Variants in CRISP3 observed in about 807,000 individuals in gnomAD.
CRISP3 encodes cysteine-rich secretory protein 3.
CRISP3 carries 33 observed loss-of-function variants against 36.1 expected under a neutral mutation model. The ratio of observed to expected loss-of-function variants is 0.91; its 90% CI spans 0.69 to 1.22. CRISP3 has a LOEUF of 1.22. Ranked by LOEUF, CRISP3 falls within the 50% of genes most tolerant of loss-of-function variation. The pLI, the probability that CRISP3 is intolerant of heterozygous loss-of-function variation, is 0.00. For synonymous variants in CRISP3, 117 were observed against 104.6 expected (o/e 1.12, Z -0.72); for missense variants, 330 against 301.2 (o/e 1.10, Z -0.71).
Position 49,733,849 on chromosome 6 carries a change from C to A in CRISP3, c.317-1G>T. On this transcript the variant is annotated splice_acceptor_variant, in intron 4 of 7. Coordinates refer to ENST00000263045, the MANE Select transcript of CRISP3 (RefSeq NM_006061.4). LOFTEE classifies it high-confidence loss of function. Reference sequence around the variant, plus strand: ...TAGAGATTCTCACCACATTTTAGACCTAAGAAGGAACAGACCACTCATGAG... The same window carrying A: ...TAGAGATTCTCACCACATTTTAGACATAAGAAGGAACAGACCACTCATGAG... The A allele has an allele frequency of 6.2e-7, 1 of 1,612,886 alleles. No individual in the cohort carries two copies. The highest frequency in any genetic ancestry group is 8.5e-7 in the Non-Finnish European group (1 of 1,179,388).
Position 49,733,261 on chromosome 6 carries a change from C to T in CRISP3, c.494G>A (p.Cys165Tyr). ...TTGATTGGGACAGTAGGCATTTCCA[C>T]ATCCAACGAGGTATGAAGAGTACCA... ...VVWYSSYLVG[C>Y]GNAYCPNQKV... The change falls in exon 6 of 8, where the codon TGT becomes TAT. Residue 165 changes from cysteine to tyrosine, a missense_variant. By Grantham distance (194) the Cys-to-Tyr change is radical. Coordinates refer to ENST00000263045, the MANE Select transcript of CRISP3 (RefSeq NM_006061.4). 1.2e-6 allele frequency: 2 copies of T among 1,611,464 alleles called. No homozygotes were observed. The highest frequency in any genetic ancestry group is 2.2e-5 in the South Asian group (2 of 90,660).
chr6:49,740,049 G>A (rs1026821427), intron 1 of CRISP3, among the ~76,000 whole-genome samples: 1 of 152,150 alleles, frequency 6.6e-6, no homozygotes, highest in African/African-American at 2.4e-5. Context: ...ATTTCAAATA[G>A]TGATGGTTTG....
rs749567736 is a variant in CRISP3, at chr6:49,733,791, G to A, written c.374C>T (p.Ala125Val). ...MSSASSSWSQ[A>V]IQSWFDEYND... ...GTACTCATCAAACCAGCTTTGGATT[G>A]CTTGTGACCATGAGCTGGAGGCACT... The change falls in exon 5 of 8, where the codon GCA (alanine) becomes GTA (valine). Residue 125 changes from alanine to valine, a missense_variant. Ala to Val is a moderately conservative substitution (Grantham distance 64). Coordinates refer to ENST00000263045, the MANE Select transcript of CRISP3 (RefSeq NM_006061.4). 3 of 1,613,760 alleles carry A rather than the reference G, an allele frequency of 1.9e-6. No homozygotes were observed. Among genetic ancestry groups the A allele is most frequent in the East Asian group, 4.5e-5 (2 of 44,872 alleles).
intron 7 of CRISP3, among the ~76,000 whole-genome samples, chr6:49,730,302 A>G (rs138343024): frequency 6.6e-6 from 1 of 152,186 alleles, no homozygotes; most frequent in East Asian, 1.9e-4. Flanking sequence ...GCAAACTAAT[A>G]CTACATACAG....
intron 7 of CRISP3, among the ~76,000 whole-genome samples, chr6:49,729,939 T>A (rs1018583945): frequency 6.6e-6 from 1 of 152,172 alleles, no homozygotes; most frequent in Non-Finnish European, 1.5e-5. Context: ...GTTGGCTGAT[T>A]ATTACTAATA....
In CRISP3 at chr6:49,733,232, C is replaced by T. The variant is rs1368636049; in HGVS notation, c.523G>A (p.Val175Ile). The T allele has an allele frequency of 6.2e-7, 1 of 1,610,176 alleles. No homozygotes were observed. The highest frequency in any genetic ancestry group is 8.5e-7 in the Non-Finnish European group (1 of 1,178,032). The change falls in exon 6 of 8, where the codon GTT becomes ATT. Residue 175 changes from valine (V) to isoleucine (I), a missense_variant. Physicochemically the swap from Val to Ile is conservative, Grantham distance 29. Coordinates refer to ENST00000263045, the MANE Select transcript of CRISP3 (RefSeq NM_006061.4). ...CGNAYCPNQK[V>I]LKYYYVCQYC... ...TGGCAAACATAGTAGTATTTTAGAA[C>T]TTTTTGATTGGGACAGTAGGCATTT...
chr6:49,731,609 C>G lies in CRISP3; in HGVS notation c.561-358G>C, dbSNP rs534080358. 2.7e-3 allele frequency among the ~76,000 whole-genome samples: 418 copies of G among 152,180 alleles called. 1 individual carries two copies. Among genetic ancestry groups the G allele is most frequent in the African/African-American group, 9.5e-3 (395 of 41,520 alleles). On this transcript the variant is annotated intron_variant, in intron 6 of 7. Transcript: ENST00000263045. ...GGTGCTGGCAAGGGGTAAAACATATCCCCTAGAGAGATAAGAAAAGTTCCT... is the reference window on the plus strand; with the variant it reads ...GGTGCTGGCAAGGGGTAAAACATATGCCCTAGAGAGATAAGAAAAGTTCCT...
At chr6:49,732,562 A>G (rs1768941964) in intron 6 of CRISP3, among the ~76,000 whole-genome samples, 1 of 152,186 alleles carries the variant, frequency 6.6e-6, no homozygotes. Flanking sequence ...AAAACCCGAG[A>G]TAATTAAGAA....
At chr6:49,737,964 A>G (rs1769102847) in intron 1 of CRISP3, among the ~76,000 whole-genome samples, 1 of 152,160 alleles carries the variant, frequency 6.6e-6, no homozygotes, top group Non-Finnish European at 1.5e-5. Flanking sequence ...TTTTATGCAT[A>G]CCTTTAAACT....
In CRISP3 at chr6:49,729,887, A is replaced by G. The variant is rs369811123; in HGVS notation, c.650-1030T>C. ...ACTACTGTCGGGAGCTCTTTAGAAA[A>G]CACAGTTCAGATCTTATCATTCTTC... On this transcript the variant is annotated intron_variant, in intron 7 of 7. Coordinates refer to ENST00000263045, the MANE Select transcript of CRISP3 (RefSeq NM_006061.4). Among the ~76,000 whole-genome samples, 14 of 152,242 alleles carry G rather than the reference A, an allele frequency of 9.2e-5. 1 individual carries two copies. In the East Asian group the frequency reaches 9.7e-4, roughly 11 times the overall value.
chr6:49,741,924 A>G (rs1482871638), intron 1 of CRISP3, among the ~76,000 whole-genome samples: 1 of 148,570 alleles, frequency 6.7e-6, no homozygotes, highest in African/African-American at 2.4e-5. Context: ...AAATATTTGT[A>G]ACTTTTGTAA....
intron 7 of CRISP3, among the ~76,000 whole-genome samples, chr6:49,729,677 T>A (rs980341704): frequency 2.6e-5 from 4 of 151,220 alleles, no homozygotes; most frequent in African/African-American, 9.7e-5. Flanking sequence ...TATTTTTTGG[T>A]TTTTTTTTGT....
At chr6:49,728,958 C>G (rs943498159) in intron 7 of CRISP3, 101 bp from the exon 8 acceptor site, 1 of 1,138,340 alleles carries the variant, frequency 8.8e-7, no homozygotes. Flanking sequence ...GGGAAGTGAG[C>G]AAACAAGTTG....
At chr6:49,742,459 T>C (rs928998935) in intron 1 of CRISP3, among the ~76,000 whole-genome samples, 2 of 151,784 alleles carry the variant, frequency 1.3e-5, no homozygotes, top group African/African-American at 4.8e-5. Context: ...TGGTGAAACC[T>C]CGTCTCTACT....
chr6:49,735,622 T>C, intron 3 of CRISP3, 31 bp from the exon 4 acceptor site: 5 of 1,542,408 alleles, frequency 3.2e-6, no homozygotes, highest in Non-Finnish European at 4.5e-6. Flanking sequence ...AGATATCCAC[T>C]TAATGTCTCA....
intron 1 of CRISP3, among the ~76,000 whole-genome samples, chr6:49,741,534 T>A (rs946644906): frequency 2.7e-5 from 4 of 150,252 alleles, no homozygotes; most frequent in Non-Finnish European, 5.9e-5. Flanking sequence ...AATTCATTGG[T>A]AAAATTCATC....
At chr6:49,741,933 A>T (rs1205050536) in intron 1 of CRISP3, among the ~76,000 whole-genome samples, 2 of 148,976 alleles carry the variant, frequency 1.3e-5, no homozygotes, top group Non-Finnish European at 3.0e-5. Context: ...TAACTTTTGT[A>T]AGAGAAGACG....
chr6:49,730,240 A>G (rs1000128570), intron 7 of CRISP3, among the ~76,000 whole-genome samples: 3 of 152,116 alleles, frequency 2.0e-5, no homozygotes, highest in Admixed American at 6.5e-5. Context: ...ATGAAATTGT[A>G]TGAGATATAA....
rs369279687 is a variant in CRISP3 at position 49,738,539 on chromosome 6, C to T, written c.38-1141G>A. 4.6e-5 allele frequency among the ~76,000 whole-genome samples: 7 copies of T among 152,296 alleles called. No homozygotes were observed. The East Asian group carries it at 1.2e-3, about 25-fold the overall frequency. On this transcript the variant is annotated intron_variant, in intron 1 of 7. Coordinates refer to ENST00000263045, the MANE Select transcript of CRISP3 (RefSeq NM_006061.4). ...ACTCATCCTACAAAAGCTCTTCCTT[C>T]TTAGTTATTCACTGGTTCCTCCTGA...
Sources: allele counts gnomAD v4.1 joint callset (sites outside exome capture counted in the v4.1 genomes callset), GRCh38; gene constraint gnomAD v4.1.1; transcripts MANE v1.5; gene names NCBI Gene and HGNC (gene_info 2026-07-23, HGNC 2026-07-21).